The following LRRC4C variants were observed in gnomAD, a reference collection of about 807,000 sequenced individuals.
LRRC4C encodes leucine rich repeat containing 4C, also known as leucine-rich repeat-containing protein 4C.
Under a neutral mutation model 33.6 loss-of-function variants are expected in LRRC4C, and 5 were observed. The observed-to-expected ratio is 0.15, with a 90% confidence interval of 0.08 to 0.31. The LOEUF (loss-of-function observed/expected upper bound fraction) is 0.31, where lower values mean the gene tolerates loss of function less well. Ranked by LOEUF, LRRC4C falls within the 10% of genes least tolerant of loss-of-function variation. The pLI is 1.00. For synonymous variants in LRRC4C, 329 were observed against 302.0 expected (o/e 1.09, Z -0.93); for missense variants, 560 against 796.7 (o/e 0.70, Z 3.58).
intron 5 of LRRC4C, among the ~76,000 whole-genome samples, chr11:40,164,513 A>G (rs1055898077): frequency 3.3e-5 from 5 of 152,226 alleles, no homozygotes; most frequent in African/African-American, 1.2e-4. Context: ...CAGGGATTAC[A>G]GGTGTGAGCC....
Position 40,643,977 on chromosome 11 carries a change from G to A in LRRC4C, c.-270+4165C>T, listed in dbSNP as rs561874574. Among the ~76,000 whole-genome samples the A allele has an allele frequency of 1.1e-4, 16 of 152,106 alleles. No homozygotes were observed. In the East Asian group the frequency reaches 2.9e-3, roughly 28 times the overall value. On this transcript the variant is annotated intron_variant, in intron 3 of 6. Transcript: ENST00000528697. ...ACTACGTATTCTACCAACAATCAGG[G>A]AGATTTAAAATGAAATGGAAAAAAA...
intron 1 of LRRC4C, among the ~76,000 whole-genome samples, chr11:41,178,989 C>T (rs536163931): frequency 1.3e-5 from 2 of 152,256 alleles, no homozygotes; most frequent in East Asian, 1.9e-4. Flanking sequence ...GCCTGAGCCA[C>T]CGTGCCCGGC....
At chr11:40,124,039 CAGA>C (rs1856021697) in intron 6 of LRRC4C, among the ~76,000 whole-genome samples, 1 of 152,096 alleles carries the variant, frequency 6.6e-6, no homozygotes, top group South Asian at 2.1e-4. Context: ...TGTCTATATG[CAGA>C]AGAAGAAAAC....
At chr11:40,821,646 TA>T (rs1403438125) in intron 2 of LRRC4C, among the ~76,000 whole-genome samples, 2 of 151,450 alleles carry the variant, frequency 1.3e-5, no homozygotes, top group Non-Finnish European at 3.0e-5. Flanking sequence ...GGAATGTTTG[TA>T]AAAATTAATA....
chr11:41,238,992 A>C (rs1228307974), intron 1 of LRRC4C, among the ~76,000 whole-genome samples: 1 of 151,966 alleles, frequency 6.6e-6, no homozygotes. Flanking sequence ...TCTGATAGAA[A>C]GTCCTAGGAA....
chr11:41,319,752 T>C (rs1257253161), intron 1 of LRRC4C, among the ~76,000 whole-genome samples: 1 of 152,152 alleles, frequency 6.6e-6, no homozygotes, highest in African/African-American at 2.4e-5. Flanking sequence ...GGTCTTCCTA[T>C]GTTGCCAAGG....
intron 1 of LRRC4C, among the ~76,000 whole-genome samples, chr11:40,964,594 C>A (rs1224635168): frequency 2.1e-5 from 3 of 143,484 alleles, no homozygotes; most frequent in Non-Finnish European, 4.5e-5. Context: ...TTGTTCAATT[C>A]CCACTTATGA....
intron 1 of LRRC4C, among the ~76,000 whole-genome samples, chr11:41,075,019 T>TCTTTTTTA (rs1939013262): frequency 5.5e-5 from 1 of 18,206 alleles, no homozygotes; most frequent in African/African-American, 1.7e-4. Context: ...ATTTTCTTTT[T>TCTTTTTTA]TTTTTTTTTT....
intron 5 of LRRC4C, among the ~76,000 whole-genome samples, chr11:40,206,149 A>G (rs1043797503): frequency 3.9e-5 from 6 of 152,216 alleles, no homozygotes; most frequent in Non-Finnish European, 5.9e-5. Flanking sequence ...CAATAAATAT[A>G]AAGATATAAA....
At chr11:40,280,688 T>A (rs902091369) in intron 4 of LRRC4C, among the ~76,000 whole-genome samples, 2 of 152,136 alleles carry the variant, frequency 1.3e-5, no homozygotes, top group Non-Finnish European at 2.9e-5. Flanking sequence ...TCACTCATAG[T>A]AAAGTCATTG....
chr11:41,161,260 A>G (rs1590796090), intron 1 of LRRC4C, among the ~76,000 whole-genome samples: 1 of 152,186 alleles, frequency 6.6e-6, no homozygotes, highest in Non-Finnish European at 1.5e-5. Context: ...GAAGATTAAC[A>G]TAGCCAAGAA....
At chr11:40,566,549 A>T (rs77658986) in intron 3 of LRRC4C, among the ~76,000 whole-genome samples, 1,632 of 152,212 alleles carry the variant, frequency 0.011, 34 homozygotes, top group African/African-American at 0.037. Flanking sequence ...TTAACTTGTC[A>T]ATAAGCCATA....
At chr11:40,535,116 G>C (rs189725151) in intron 3 of LRRC4C, among the ~76,000 whole-genome samples, 2 of 152,250 alleles carry the variant, frequency 1.3e-5, no homozygotes, top group Non-Finnish European at 2.9e-5. Context: ...TGTATTATGG[G>C]ACTAAATTTG....
chr11:41,451,447 TTAGA>T (rs1192921734), intron 1 of LRRC4C, among the ~76,000 whole-genome samples: 10 of 151,896 alleles, frequency 6.6e-5, no homozygotes, highest in African/African-American at 2.4e-4. Context: ...AAAATATGTA[TTAGA>T]TAGGAAGAAC....
chr11:40,333,900 G>A (rs1417392881), intron 3 of LRRC4C, among the ~76,000 whole-genome samples: 1 of 151,860 alleles, frequency 6.6e-6, no homozygotes, highest in African/African-American at 2.4e-5. Flanking sequence ...GGAAGAGAGA[G>A]AGTGATAGGG....
chr11:40,410,924 T>A (rs1276833170), intron 3 of LRRC4C, among the ~76,000 whole-genome samples: 1 of 152,114 alleles, frequency 6.6e-6, no homozygotes, highest in African/African-American at 2.4e-5. Context: ...AAATATCACC[T>A]CTGTGTCTTT....
At chr11:40,139,024 G>A (rs1857174466) in intron 6 of LRRC4C, among the ~76,000 whole-genome samples, 1 of 152,150 alleles carries the variant, frequency 6.6e-6, no homozygotes, top group Non-Finnish European at 1.5e-5. Context: ...TTACACTTAA[G>A]TATTAGAGCC....
At chr11:40,794,342 C>A (rs1401498823) in intron 2 of LRRC4C, among the ~76,000 whole-genome samples, 1 of 68,794 alleles carries the variant, frequency 1.5e-5, no homozygotes, top group Non-Finnish European at 3.2e-5. Context: ...TTAAGACATA[C>A]AAAGAACAAA....
chr11:41,447,360 G>A lies in LRRC4C; in HGVS notation c.-496+12071C>T, dbSNP rs1955857717. Reference sequence around the variant, plus strand: ...AAATATGTAACTAAGAAATTTCCCAGTTTCCAATTACAAATTGTACTAAAC... The same window carrying A: ...AAATATGTAACTAAGAAATTTCCCAATTTCCAATTACAAATTGTACTAAAC... On this transcript the variant is annotated intron_variant, in intron 1 of 6. Coordinates refer to ENST00000528697, the MANE Select transcript of LRRC4C (RefSeq NM_001258419.2). 3.3e-5 allele frequency among the ~76,000 whole-genome samples: 5 copies of A among 152,076 alleles called. No homozygotes were observed. In the South Asian group the frequency reaches 1.0e-3, roughly 31 times the overall value.
Sources: allele counts gnomAD v4.1 joint callset (sites outside exome capture counted in the v4.1 genomes callset), GRCh38; gene constraint gnomAD v4.1.1; transcripts MANE v1.5; gene names NCBI Gene and HGNC (gene_info 2026-07-23, HGNC 2026-07-21).